The following NELL1 variants were observed in gnomAD, a reference collection of about 807,000 sequenced individuals.
NELL1 encodes the protein protein kinase C-binding protein NELL1.
A neutral mutation model predicts 107.4 loss-of-function variants in NELL1; 76 were observed. The observed-to-expected ratio is 0.71, with a 90% confidence interval of 0.59 to 0.86. The LOEUF (loss-of-function observed/expected upper bound fraction) is 0.86, where lower values mean the gene tolerates loss of function less well. NELL1 is among the 40% of genes least tolerant of loss of function. NELL1 has a pLI of 0.00. For synonymous variants in NELL1, 353 were observed against 341.2 expected (o/e 1.03, Z -0.38); for missense variants, 1,024 against 1,005.5 (o/e 1.02, Z -0.25).
chr11:21,252,039 T>TTA (rs1858652459), intron 14 of NELL1, among the ~76,000 whole-genome samples: 2 of 152,064 alleles, frequency 1.3e-5, no homozygotes, highest in African/African-American at 4.8e-5. Context: ...CACGCAAGAC[T>TTA]GTGTCACATG....
In NELL1 at chr11:21,187,635, TTG is replaced by T. The variant is rs1168486630; in HGVS notation, c.1427-41695_1427-41694del. 5.3e-5 allele frequency among the ~76,000 whole-genome samples: 8 copies of T among 151,794 alleles called. No homozygotes were observed. The East Asian group carries it at 1.5e-3, about 29-fold the overall frequency. ...TTGTCTATTATTGTCACTCTATGAT[TTG>T]TCTCAGGCTCTCTTCTGACCTCTTC... On this transcript the variant is annotated intron_variant, in intron 13 of 19. Coordinates refer to ENST00000357134, the MANE Select transcript of NELL1 (RefSeq NM_006157.5).
At chr11:21,126,673 C>A (rs1350565421) in intron 13 of NELL1, among the ~76,000 whole-genome samples, 1 of 152,308 alleles carries the variant, frequency 6.6e-6, no homozygotes, top group Non-Finnish European at 1.5e-5. Context: ...TTCTCCCTCA[C>A]CTTACTAAGT....
At chr11:20,711,962 T>G (rs1357944998) in intron 2 of NELL1, among the ~76,000 whole-genome samples, 1 of 152,148 alleles carries the variant, frequency 6.6e-6, no homozygotes, top group Non-Finnish European at 1.5e-5. Flanking sequence ...TCTAGATCTT[T>G]AGTTCTTTGA....
At chr11:20,744,690 AT>A (rs1424495216) in intron 2 of NELL1, among the ~76,000 whole-genome samples, 1 of 152,228 alleles carries the variant, frequency 6.6e-6, no homozygotes, top group Middle Eastern at 3.2e-3. Context: ...ATTGCACAGC[AT>A]GTTTTAAGCC....
chr11:20,790,490 G>T (rs1258190321), intron 3 of NELL1, among the ~76,000 whole-genome samples: 1 of 152,234 alleles, frequency 6.6e-6, no homozygotes, highest in Non-Finnish European at 1.5e-5. Flanking sequence ...TACAAGTGCA[G>T]TGGGGTCCTT....
chr11:21,474,869 A>G (rs1854284517), intron 15 of NELL1, among the ~76,000 whole-genome samples: 1 of 152,170 alleles, frequency 6.6e-6, no homozygotes, highest in South Asian at 2.1e-4. Context: ...GGTATAAATA[A>G]TACTAGCAAT....
intron 12 of NELL1, among the ~76,000 whole-genome samples, chr11:21,065,944 A>G (rs1191881953): frequency 6.6e-6 from 1 of 151,774 alleles, no homozygotes; most frequent in Non-Finnish European, 1.5e-5. Context: ...TTGTAGGGGA[A>G]CTCACCCATG....
intron 13 of NELL1, among the ~76,000 whole-genome samples, chr11:21,195,374 A>AG (rs1565105048): frequency 6.6e-6 from 1 of 152,158 alleles, no homozygotes; most frequent in African/African-American, 2.4e-5. Context: ...GGCAACCACT[A>AG]TCAGAAAATC....
intron 13 of NELL1, among the ~76,000 whole-genome samples, chr11:21,201,009 T>C (rs968903061): frequency 4.6e-5 from 7 of 152,268 alleles, no homozygotes; most frequent in Middle Eastern, 3.4e-3. Flanking sequence ...TTGGTACCAG[T>C]ACCATGCTGT....
At chr11:21,243,165 C>T (rs1670642) in intron 14 of NELL1, among the ~76,000 whole-genome samples, 108,591 of 151,974 alleles carry the variant, frequency 0.71, 39,157 homozygotes, top group East Asian at 0.99. Context: ...GGCAAAAAAT[C>T]AAGTATTCAT....
At chr11:20,990,011 A>G (rs989890088) in intron 12 of NELL1, among the ~76,000 whole-genome samples, 1 of 151,640 alleles carries the variant, frequency 6.6e-6, no homozygotes, top group African/African-American at 2.4e-5. Flanking sequence ...AAAAAAAAAA[A>G]GAAATTCCAG....
At chr11:20,923,915 C>T (rs1850434168) in intron 7 of NELL1, among the ~76,000 whole-genome samples, 1 of 152,122 alleles carries the variant, frequency 6.6e-6, no homozygotes, top group South Asian at 2.1e-4. Flanking sequence ...AAGCAATCCA[C>T]CACACAACTA....
chr11:21,290,784 G>C (rs1849239494), intron 14 of NELL1, among the ~76,000 whole-genome samples: 1 of 152,148 alleles, frequency 6.6e-6, no homozygotes. Context: ...TAACAGAAAG[G>C]AATAGCATCA....
At chr11:21,355,181 C>A (rs12802894) in intron 14 of NELL1, among the ~76,000 whole-genome samples, 32,575 of 152,028 alleles carry the variant, frequency 0.21, 4,496 homozygotes, top group Non-Finnish European at 0.3. Flanking sequence ...TCTTAATGTC[C>A]CATCATTTTC....
At chr11:21,094,941 G>C (rs761431745) in intron 12 of NELL1, among the ~76,000 whole-genome samples, 47 of 152,216 alleles carry the variant, frequency 3.1e-4, no homozygotes, top group Non-Finnish European at 6.3e-4. Flanking sequence ...AATTTCTGCA[G>C]CTGGCTTGAA....
intron 16 of NELL1, among the ~76,000 whole-genome samples, chr11:21,550,107 G>A (rs1307419503): frequency 1.3e-5 from 2 of 151,802 alleles, no homozygotes; most frequent in Admixed American, 6.6e-5. Flanking sequence ...GAAATAAACA[G>A]TAAATTATTT....
chr11:20,871,746 G>A (rs532246437), intron 4 of NELL1, among the ~76,000 whole-genome samples: 5 of 152,056 alleles, frequency 3.3e-5, no homozygotes, highest in South Asian at 4.2e-4. Flanking sequence ...CCTGCTGGGC[G>A]TGGTGGCTCA....
rs141794915 is a variant in NELL1 at position 21,410,634 on chromosome 11, G to A, written c.1645+39686G>A. Among the ~76,000 whole-genome samples the A allele has an allele frequency of 1.4e-3, 207 of 152,058 alleles. 4 individuals carry two copies. In the South Asian group the frequency reaches 0.037, roughly 27 times the overall value. On this transcript the variant is annotated intron_variant, in intron 15 of 19. Transcript: ENST00000357134. ...GATTTCTGTTTATGGTATCTTTATT[G>A]AGATTTTCAGCAATAAGATGTAATA... is the stretch of plus-strand genomic sequence containing the variant.
At chr11:20,818,075 T>TG (rs1857662618) in intron 3 of NELL1, among the ~76,000 whole-genome samples, 1 of 152,198 alleles carries the variant, frequency 6.6e-6, no homozygotes, top group Non-Finnish European at 1.5e-5. Flanking sequence ...GTTTGATGGA[T>TG]GGAGTATTCT....
Sources: allele counts gnomAD v4.1 joint callset (sites outside exome capture counted in the v4.1 genomes callset), GRCh38; gene constraint gnomAD v4.1.1; transcripts MANE v1.5; gene names NCBI Gene and HGNC (gene_info 2026-07-23, HGNC 2026-07-21).